ABCG1: variants seen among roughly 807,000 people sequenced by gnomAD.
ABCG1 encodes the protein ATP-binding cassette sub-family G member 1.
Under a neutral mutation model 69.2 loss-of-function variants are expected in ABCG1, and 29 were observed. That is an observed-to-expected ratio of 0.42 (90% CI 0.31 to 0.57). The LOEUF is 0.57. ABCG1 is among the 20% of genes least tolerant of loss of function. ABCG1 has a pLI of 0.15. For missense variants in ABCG1, 718 were observed against 898.1 expected (o/e 0.80, Z 2.56); for synonymous variants, 370 against 374.8 (o/e 0.99, Z 0.15).
intron 5 of ABCG1, among the ~76,000 whole-genome samples, chr21:42,279,287 T>C (rs921192465): frequency 2.6e-5 from 4 of 151,702 alleles, no homozygotes; most frequent in Non-Finnish European, 4.4e-5. Flanking sequence ...GGGAATTCTG[T>C]CTCTCTGACC....
At chr21:42,210,252 A>C (rs2067575785) in intron 2 of ABCG1, among the ~76,000 whole-genome samples, 1 of 152,114 alleles carries the variant, frequency 6.6e-6, no homozygotes, top group African/African-American at 2.4e-5. Flanking sequence ...GAGGGATGGA[A>C]TGTTCTGGGA....
In ABCG1 at chr21:42,227,137, T is replaced by C. The variant is rs1451095061; in HGVS notation, c.286+1223T>C. Among the ~76,000 whole-genome samples the C allele has an allele frequency of 2.6e-5, 4 of 152,278 alleles. No individual in the cohort carries two copies. In the East Asian group the frequency reaches 7.7e-4, roughly 29 times the overall value. ...CAGTTGGTGGCTGGGTAACTGTATG[T>C]CTGTGTTTGCACAAGCAGAAACAGA... On this transcript the variant is annotated intron_variant, in intron 2 of 14. Transcript: ENST00000398449.
chr21:42,243,345 G>A (rs2068079382), intron 2 of ABCG1, among the ~76,000 whole-genome samples: 1 of 152,134 alleles, frequency 6.6e-6, no homozygotes, highest in South Asian at 2.1e-4. Flanking sequence ...CAGGGCAGAA[G>A]TGCCTGGATT....
Position 42,225,591 on chromosome 21 carries a change from A to C in ABCG1, c.43-80A>C. On this transcript the variant is annotated intron_variant, in intron 1 of 14. Coordinates refer to ENST00000398449, the MANE Select transcript of ABCG1 (RefSeq NM_016818.3). ...TTGCTATTAATAACCAATGACCCTG[A>C]GCCTCATGGTGAATCTCTTCATGTT... is the stretch of plus-strand genomic sequence containing the variant. The C allele has an allele frequency of 2.6e-6, 4 of 1,547,722 alleles. No individual in the cohort carries two copies. In the South Asian group the frequency reaches 4.6e-5, roughly 18 times the overall value.
intron 2 of ABCG1, among the ~76,000 whole-genome samples, chr21:42,228,007 G>A (rs950045500): frequency 3.9e-5 from 6 of 152,200 alleles, no homozygotes; most frequent in African/African-American, 1.2e-4. Context: ...TTCAAGATGA[G>A]ATTTGGGTGG....
At chr21:42,243,130 CT>C (rs2068076052) in intron 2 of ABCG1, among the ~76,000 whole-genome samples, 1 of 152,188 alleles carries the variant, frequency 6.6e-6, no homozygotes, top group Non-Finnish European at 1.5e-5. Context: ...GCCTCAGCAT[CT>C]CACCACTCCC....
intron 2 of ABCG1, among the ~76,000 whole-genome samples, chr21:42,245,155 C>T (rs891694687): frequency 6.6e-6 from 1 of 152,186 alleles, no homozygotes; most frequent in Non-Finnish European, 1.5e-5. Context: ...TGAATCTAGA[C>T]ACCCCACACT....
At chr21:42,278,218 GT>G (rs1302810214) in intron 5 of ABCG1, among the ~76,000 whole-genome samples, 1 of 152,176 alleles carries the variant, frequency 6.6e-6, no homozygotes, top group Non-Finnish European at 1.5e-5. Context: ...AGCCTTGTGA[GT>G]TTATTGTCTA....
At position 42,273,575 on chromosome 21, in the gene ABCG1, C is replaced by T; in HGVS notation, c.537+140C>T. 2.1e-6 allele frequency: 2 copies of T among 963,180 alleles called. No homozygotes were observed. The highest frequency in any genetic ancestry group is 3.0e-6 in the Non-Finnish European group (2 of 669,502). The allele number at this position is 963,180 out of a possible 1,614,324, so 59.7% of individuals were successfully genotyped here. ...CGGCCTGCACAGGGCCAGCAACCTC[C>T]CTCTAGCGGAGTTCTAACACCAGAC... On this transcript the variant is annotated intron_variant, in intron 4 of 14. Transcript: ENST00000398449. The surrounding 1 kb of genome is among the most constrained non-coding windows in gnomAD (Gnocchi z 5.3).
At position 42,291,462 on chromosome 21, in the gene ABCG1, C is replaced by A; in HGVS notation, c.1495-36C>A. ...GCTGTTGGCCTGCTGTGGTGGGAAG[C>A]GGCTGAGCCCGCGGCTGACGGGTCC... On this transcript the variant is annotated intron_variant, in intron 12 of 14. Transcript: ENST00000398449. This position sits in a 1 kb window ranked among gnomAD's most constrained non-coding sequence, Gnocchi z 6.4. 6.3e-7 allele frequency: 1 copy of A among 1,583,958 alleles called. No individual in the cohort carries two copies. Among genetic ancestry groups the A allele is most frequent in the Non-Finnish European group, 8.6e-7 (1 of 1,160,130 alleles).
intron 2 of ABCG1, among the ~76,000 whole-genome samples, chr21:42,229,798 G>A (rs186994899): frequency 6.6e-6 from 1 of 152,282 alleles, no homozygotes; most frequent in African/African-American, 2.4e-5. Context: ...AAAGGAAACA[G>A]GAGCTCGGGC....
chr21:42,279,102 A>G (rs1369623780), intron 5 of ABCG1, among the ~76,000 whole-genome samples: 1 of 151,930 alleles, frequency 6.6e-6, no homozygotes, highest in Non-Finnish European at 1.5e-5. Flanking sequence ...CGGAAGCACA[A>G]TCCAATCTCT....
intron 13 of ABCG1, among the ~76,000 whole-genome samples, chr21:42,292,127 T>TGAC (rs1911984207): frequency 6.6e-6 from 1 of 151,516 alleles, no homozygotes; most frequent in African/African-American, 2.4e-5. Context: ...CCCCCCGACC[T>TGAC]GCCGCCCACA....
intron 2 of ABCG1, among the ~76,000 whole-genome samples, chr21:42,245,369 T>C (rs1488909129): frequency 1.3e-5 from 2 of 152,216 alleles, no homozygotes; most frequent in Admixed American, 1.3e-4. Flanking sequence ...GAAAATTGCA[T>C]TCTTCTCCAA....
chr21:42,268,362 G>GGGGTGTGTGTGTGTGT (rs375702317), intron 2 of ABCG1, among the ~76,000 whole-genome samples: 1 of 147,604 alleles, frequency 6.8e-6, no homozygotes, highest in African/African-American at 2.5e-5. Context: ...TAGAGGTAGG[G>GGGGTGTGTGTGTGTGT]GTGTGTGTGT....
At chr21:42,285,848 C>CTTG (rs1441023644) in intron 7 of ABCG1, 32 bp from the exon 8 acceptor site, 7 of 1,501,916 alleles carry the variant, frequency 4.7e-6, no homozygotes, top group Non-Finnish European at 9.3e-7. Flanking sequence ...GAAGGCAGGG[C>CTTG]TTGATCCCTT....
chr21:42,290,780 T>G (rs1231959834), intron 11 of ABCG1, among the ~76,000 whole-genome samples: 3 of 152,182 alleles, frequency 2.0e-5, no homozygotes, highest in African/African-American at 7.2e-5. Flanking sequence ...ACCACGTTGA[T>G]GCAGAGTTTC....
chr21:42,264,700 A>C (rs994732011), intron 2 of ABCG1, among the ~76,000 whole-genome samples: 3 of 152,038 alleles, frequency 2.0e-5, no homozygotes, highest in Admixed American at 6.5e-5. Context: ...GAGGAGAGAC[A>C]GAGAGGAGAG....
chr21:42,207,462 A>C (rs1016620080), intron 2 of ABCG1, among the ~76,000 whole-genome samples: 5 of 151,894 alleles, frequency 3.3e-5, no homozygotes, highest in African/African-American at 1.2e-4. Context: ...TCTACTTTCT[A>C]TTTTATTTTT....
Sources: gnomAD v4.1 joint callset for allele counts (sites outside exome capture counted in the v4.1 genomes callset) on GRCh38, gnomAD v4.1.1 for gene constraint, Gnocchi (gnomAD v3.1) non-coding constraint, MANE v1.5 for transcripts, NCBI Gene and HGNC (gene_info 2026-07-23, HGNC 2026-07-21) for gene names.